The following LPIN1 variants were observed in gnomAD, a reference collection of about 807,000 sequenced individuals.
LPIN1 encodes the protein phosphatidate phosphatase LPIN1.
In LPIN1, 71 loss-of-function variants were observed where a neutral mutation model predicts 107.5. The ratio of observed to expected loss-of-function variants is 0.66; its 90% CI spans 0.55 to 0.80. The LOEUF is 0.80. Ranked by LOEUF, LPIN1 falls within the 30% of genes least tolerant of loss-of-function variation. The probability of loss-of-function intolerance (pLI) is 0.00; values close to 1 mark genes in which losing one functional copy is unlikely to be tolerated. For missense variants in LPIN1, 1,043 were observed against 1,160.6 expected (o/e 0.90, Z 1.47); for synonymous variants, 445 against 452.6 (o/e 0.98, Z 0.21).
intron 1 of LPIN1, among the ~76,000 whole-genome samples, chr2:11,701,335 C>T (rs73179398): frequency 0.038 from 5,846 of 152,236 alleles, 242 homozygotes; most frequent in African/African-American, 0.1. Context: ...TAGTTATCTT[C>T]GTAATTACCC....
At chr2:11,804,831 C>T (rs753653495) in intron 16 of LPIN1, among the ~76,000 whole-genome samples, 1 of 152,058 alleles carries the variant, frequency 6.6e-6, no homozygotes. Context: ...TTTGAATGGC[C>T]TTTACCTTTG....
chr2:11,748,059 C>G (rs891006812), intron 1 of LPIN1, among the ~76,000 whole-genome samples: 1 of 152,314 alleles, frequency 6.6e-6, no homozygotes, highest in East Asian at 1.9e-4. Context: ...AGGGGCGGAC[C>G]TGCTGAGTCT....
At chr2:11,769,103 G>A (rs1258585943) in intron 3 of LPIN1, among the ~76,000 whole-genome samples, 1 of 152,218 alleles carries the variant, frequency 6.6e-6, no homozygotes, top group African/African-American at 2.4e-5. Flanking sequence ...GGCATTGCTG[G>A]GCCATGTGGT....
chr2:11,677,862 T>C, intron 1 of LPIN1: 1 of 734,850 alleles, frequency 1.4e-6, no homozygotes, highest in Non-Finnish European at 2.3e-6. Flanking sequence ...GGTTTGTGCA[T>C]TCACGCTTCC....
At chr2:11,717,144 T>A (rs1376455539) in intron 2 of LPIN1, among the ~76,000 whole-genome samples, 1 of 152,218 alleles carries the variant, frequency 6.6e-6, no homozygotes, top group Non-Finnish European at 1.5e-5. Flanking sequence ...AAGCGATTTA[T>A]GTGGCTGGTT....
intron 1 of LPIN1, among the ~76,000 whole-genome samples, chr2:11,737,872 A>C (rs111700920): frequency 0.019 from 2,924 of 152,310 alleles, 98 homozygotes; most frequent in African/African-American, 0.066. Flanking sequence ...TTGACCCAGC[A>C]ATCCCATTAC....
intron 1 of LPIN1, among the ~76,000 whole-genome samples, chr2:11,678,845 G>C (rs887403938): frequency 3.9e-5 from 6 of 152,230 alleles, no homozygotes; most frequent in African/African-American, 1.4e-4. Flanking sequence ...GAGACATCAG[G>C]CTGGTCCACA....
chr2:11,757,417 G>A (rs1572607247), intron 1 of LPIN1, among the ~76,000 whole-genome samples: 1 of 152,208 alleles, frequency 6.6e-6, no homozygotes, highest in Admixed American at 6.5e-5. Context: ...GGGTTTGTCT[G>A]ACTTCTTCAG....
chr2:11,812,738 G>A (rs1038300347), intron 17 of LPIN1, among the ~76,000 whole-genome samples: 10 of 152,204 alleles, frequency 6.6e-5, no homozygotes, highest in Non-Finnish European at 8.8e-5. Flanking sequence ...TTTGGACGAC[G>A]TCTGTGAGAG....
chr2:11,755,968 G>A (rs545255999), intron 1 of LPIN1, among the ~76,000 whole-genome samples: 81 of 152,206 alleles, frequency 5.3e-4, no homozygotes, highest in Middle Eastern at 6.8e-3. Flanking sequence ...TGATCTGCCC[G>A]CCTTGGCCTC....
intron 1 of LPIN1, among the ~76,000 whole-genome samples, chr2:11,693,719 A>G (rs1662384256): frequency 7.1e-6 from 1 of 141,562 alleles, no homozygotes; most frequent in Non-Finnish European, 1.5e-5. Flanking sequence ...TAGGGGCACT[A>G]ATGTCTGACT....
intron 2 of LPIN1, among the ~76,000 whole-genome samples, chr2:11,714,036 T>C (rs1403695831): frequency 1.3e-5 from 2 of 152,240 alleles, no homozygotes; most frequent in Admixed American, 6.5e-5. Flanking sequence ...TAATCTCTTC[T>C]TCCTGAGATG....
rs1472924183 is a variant in LPIN1, at chr2:11,783,812, G to C, written c.1265-17G>C. 1 of 1,608,826 alleles carries C rather than the reference G, an allele frequency of 6.2e-7. No individual in the cohort carries two copies. The highest frequency in any genetic ancestry group is 1.1e-5 in the South Asian group (1 of 90,978). Reference sequence around the variant, plus strand: ...CTAGAAGAGTGGTTTTCTGACTTGAGCCATTTGCCGTTTTAGATAAACGAA... The same window carrying C: ...CTAGAAGAGTGGTTTTCTGACTTGACCCATTTGCCGTTTTAGATAAACGAA... On this transcript the variant is annotated splice_polypyrimidine_tract_variant and intron_variant, in intron 8 of 20. Transcript: ENST00000674199.
chr2:11,686,640 C>T (rs984111164), intron 1 of LPIN1, among the ~76,000 whole-genome samples: 5 of 152,076 alleles, frequency 3.3e-5, no homozygotes, highest in Non-Finnish European at 5.9e-5. Context: ...CACACACCCG[C>T]GGGAAAGAGC....
At chr2:11,739,575 A>T (rs111647816) in intron 1 of LPIN1, among the ~76,000 whole-genome samples, 114 of 152,358 alleles carry the variant, frequency 7.5e-4, no homozygotes, top group Admixed American at 1.9e-3. Flanking sequence ...GATCTGCCGT[A>T]ACAATGTTGA....
chr2:11,712,273 T>C (rs1663466080), intron 1 of LPIN1, among the ~76,000 whole-genome samples: 1 of 152,224 alleles, frequency 6.6e-6, no homozygotes, highest in Non-Finnish European at 1.5e-5. Flanking sequence ...GCGGCCTTTC[T>C]TGTCCTCTCC....
intron 3 of LPIN1, among the ~76,000 whole-genome samples, chr2:11,770,180 G>A (rs1057508968): frequency 6.6e-6 from 1 of 152,138 alleles, no homozygotes; most frequent in African/African-American, 2.4e-5. Context: ...TTTGGCCATC[G>A]GAGCTGAGGA....
At chr2:11,696,502 A>G (rs1216445917) in intron 1 of LPIN1, among the ~76,000 whole-genome samples, 2 of 152,104 alleles carry the variant, frequency 1.3e-5, no homozygotes, top group Admixed American at 1.3e-4. Context: ...ATTTTGACTT[A>G]AACTAGATGT....
In LPIN1 at chr2:11,765,201, C is replaced by T. The variant is rs971951740; in HGVS notation, c.-9-332C>T. On this transcript the variant is annotated intron_variant, in intron 1 of 20. Coordinates refer to ENST00000674199, the MANE Select transcript of LPIN1 (RefSeq NM_001349206.2). The surrounding 1 kb of genome is among the most constrained non-coding windows in gnomAD (Gnocchi z 4.4). The stretch of plus-strand genomic sequence containing the variant: ...TGGACCCTGATGGGCTGTGATGGTC[C>T]GTGATGGGCCATGATGGACACTGAT... Among the ~76,000 whole-genome samples, 1 of 151,008 alleles carries T rather than the reference C, an allele frequency of 6.6e-6. No homozygotes were observed. Among genetic ancestry groups the T allele is most frequent in the African/African-American group, 2.4e-5 (1 of 40,954 alleles).
Sources: allele counts gnomAD v4.1 joint callset (sites outside exome capture counted in the v4.1 genomes callset), GRCh38; gene constraint gnomAD v4.1.1; non-coding constraint Gnocchi (gnomAD v3.1); transcripts MANE v1.5; gene names NCBI Gene and HGNC (gene_info 2026-07-23, HGNC 2026-07-21).